DNAJC3: variants seen among roughly 807,000 people sequenced by gnomAD.
DNAJC3 encodes dnaJ homolog subfamily C member 3.
DNAJC3 carries 38 observed loss-of-function variants against 68.6 expected under a neutral mutation model. The ratio of observed to expected loss-of-function variants is 0.55; its 90% CI spans 0.43 to 0.73. The LOEUF (loss-of-function observed/expected upper bound fraction) is 0.73, where lower values mean the gene tolerates loss of function less well. Ranked by LOEUF, DNAJC3 falls within the 30% of genes least tolerant of loss-of-function variation. The probability of loss-of-function intolerance (pLI) is 0.00; values close to 1 mark genes in which losing one functional copy is unlikely to be tolerated. For synonymous variants in DNAJC3, 203 were observed against 204.0 expected, an observed-to-expected ratio of 1.00 and a Z score of 0.04; for missense variants, 526 against 591.9, an observed-to-expected ratio of 0.89 and a Z score of 1.16.
At chr13:95,786,450 C>G (rs868736912) in intron 10 of DNAJC3, among the ~76,000 whole-genome samples, 2 of 152,096 alleles carry the variant, frequency 1.3e-5, no homozygotes, top group Non-Finnish European at 2.9e-5. Context: ...GTAGTGCTTT[C>G]AGAATTAAGT....
intron 10 of DNAJC3, 81 bp downstream of exon 10, chr13:95,786,152 GATTC>G: frequency 2.2e-6 from 3 of 1,360,352 alleles, no homozygotes; most frequent in Non-Finnish European, 3.0e-6. Context: ...TTTCCTCTCT[GATTC>G]ATTTTCTTTA....
chr13:95,737,507 T>C (rs1433303424), intron 4 of DNAJC3, among the ~76,000 whole-genome samples: 1 of 151,792 alleles, frequency 6.6e-6, no homozygotes, highest in Non-Finnish European at 1.5e-5. Flanking sequence ...GCTCCTGTTA[T>C]TGGTCTATTC....
chr13:95,689,078 A>T (rs988432438), intron 1 of DNAJC3, among the ~76,000 whole-genome samples: 1 of 147,832 alleles, frequency 6.8e-6, no homozygotes, highest in Non-Finnish European at 1.5e-5. Flanking sequence ...TCATTTTGGT[A>T]TCAGGTTGAT....
chr13:95,788,502 T>A (rs571018141), intron 11 of DNAJC3, among the ~76,000 whole-genome samples: 1 of 152,220 alleles, frequency 6.6e-6, no homozygotes, highest in Non-Finnish European at 1.5e-5. Context: ...GACTTTAAAG[T>A]TTTTTACTAT....
chr13:95,700,624 T>C (rs1053247020), intron 1 of DNAJC3, among the ~76,000 whole-genome samples: 12 of 152,214 alleles, frequency 7.9e-5, no homozygotes, highest in African/African-American at 2.4e-4. Context: ...AGCTTTTTGC[T>C]GTATTAGATG....
chr13:95,780,148 T>G (rs74715895), intron 9 of DNAJC3, among the ~76,000 whole-genome samples: 10 of 152,320 alleles, frequency 6.6e-5, no homozygotes, highest in African/African-American at 2.4e-4. Context: ...AGCCCTGCCC[T>G]CTCTACTTCT....
At chr13:95,704,071 C>G (rs909455949) in intron 1 of DNAJC3, among the ~76,000 whole-genome samples, 38 of 152,174 alleles carry the variant, frequency 2.5e-4, no homozygotes, top group African/African-American at 8.9e-4. Context: ...AGTAGATTAA[C>G]CAATGTTTTT....
intron 1 of DNAJC3, among the ~76,000 whole-genome samples, chr13:95,696,371 A>G (rs1335365249): frequency 2.0e-5 from 3 of 152,168 alleles, no homozygotes; most frequent in Non-Finnish European, 2.9e-5. Flanking sequence ...TGTACCTGGC[A>G]TCTGGTTCTT....
intron 9 of DNAJC3, among the ~76,000 whole-genome samples, chr13:95,781,968 C>T (rs767669068): frequency 6.6e-6 from 1 of 152,120 alleles, no homozygotes; most frequent in Non-Finnish European, 1.5e-5. Context: ...CCCTACCTCC[C>T]CACGGGCCCT....
chr13:95,789,777 GTTCCT>G (rs999177320), intron 11 of DNAJC3, among the ~76,000 whole-genome samples: 5 of 131,668 alleles, frequency 3.8e-5, no homozygotes, highest in African/African-American at 1.3e-4. Context: ...GTGTATAAGC[GTTCCT>G]TTTTCACCAC....
intron 1 of DNAJC3, among the ~76,000 whole-genome samples, chr13:95,696,321 G>A (rs1050203404): frequency 6.6e-5 from 10 of 151,918 alleles, no homozygotes; most frequent in African/African-American, 9.7e-5. Flanking sequence ...TACTCTCCTC[G>A]CTCTGGGCCC....
At chr13:95,686,716 T>G in intron 1 of DNAJC3, among the ~76,000 whole-genome samples, 1 of 152,246 alleles carries the variant, frequency 6.6e-6, no homozygotes, top group East Asian at 1.9e-4. Flanking sequence ...TGGGGTTCTC[T>G]ATTGTAGTCC....
intron 9 of DNAJC3, among the ~76,000 whole-genome samples, chr13:95,782,401 C>T (rs998102857): frequency 2.0e-5 from 3 of 152,188 alleles, no homozygotes; most frequent in Non-Finnish European, 2.9e-5. Context: ...AATGGTTGAA[C>T]TAATTTACTC....
At chr13:95,766,985 C>T (rs893754831) in intron 9 of DNAJC3, among the ~76,000 whole-genome samples, 1 of 152,160 alleles carries the variant, frequency 6.6e-6, no homozygotes, top group Admixed American at 6.5e-5. Flanking sequence ...CAGGCATGAG[C>T]CACCACGCCT....
chr13:95,729,039 A>G (rs990932624), intron 4 of DNAJC3, among the ~76,000 whole-genome samples: 6 of 151,866 alleles, frequency 4.0e-5, no homozygotes, highest in South Asian at 4.2e-4. Context: ...GCTCCCACAT[A>G]TATGTGAGAA....
At chr13:95,745,344 C>T (rs2139662291) in intron 4 of DNAJC3, 2 of 152,214 alleles carry the variant, frequency 1.3e-5, no homozygotes, top group Middle Eastern at 3.4e-3. Context: ...ATAAATAAAG[C>T]CAGGAGGTTA....
intron 4 of DNAJC3, among the ~76,000 whole-genome samples, chr13:95,737,588 G>A (rs1881968465): frequency 6.6e-6 from 1 of 152,076 alleles, no homozygotes; most frequent in South Asian, 2.1e-4. Context: ...ATTTCTTCTA[G>A]ATTTTCTAGT....
In DNAJC3 at chr13:95,740,850, G is replaced by A. The variant is rs576272856; in HGVS notation, c.393+15598G>A. 3.3e-5 allele frequency among the ~76,000 whole-genome samples: 5 copies of A among 152,152 alleles called. No individual in the cohort carries two copies. In the South Asian group the frequency reaches 1.0e-3, roughly 32 times the overall value. On this transcript the variant is annotated intron_variant, in intron 4 of 11. Transcript: ENST00000602402. ...TTGGCTCCTCCCCTGAAGCTCTTAA[G>A]TGTATTTTAAAATTTCATTCAGTGA...
At chr13:95,734,347 T>G (rs1218619836) in intron 4 of DNAJC3, among the ~76,000 whole-genome samples, 1 of 152,210 alleles carries the variant, frequency 6.6e-6, no homozygotes, top group Admixed American at 6.5e-5. Context: ...ATCATTCCAT[T>G]CCCTGCAGGC....
Sources: gnomAD v4.1 joint callset for allele counts (sites outside exome capture counted in the v4.1 genomes callset) on GRCh38, gnomAD v4.1.1 for gene constraint, MANE v1.5 for transcripts, NCBI Gene and HGNC (gene_info 2026-07-23, HGNC 2026-07-21) for gene names.